SLC4A5: variants seen among roughly 807,000 people sequenced by gnomAD.
The protein encoded by SLC4A5 is solute carrier family 4 member 5, also known as electrogenic sodium bicarbonate cotransporter 4.
A neutral mutation model predicts 120.4 loss-of-function variants in SLC4A5; 96 were observed. The observed-to-expected ratio is 0.80, with a 90% CI of 0.68 to 0.94. The LOEUF (loss-of-function observed/expected upper bound fraction) is 0.94. Ranked by LOEUF, SLC4A5 falls within the 40% of genes least tolerant of loss-of-function variation. The pLI is 0.00. For synonymous variants in SLC4A5, 550 were observed against 571.1 expected (o/e 0.96, Z 0.53); for missense variants, 1,259 against 1,459.5 (o/e 0.86, Z 2.24).
intron 7 of SLC4A5, among the ~76,000 whole-genome samples, chr2:74,299,550 T>C (rs556497075): frequency 1.3e-5 from 2 of 152,234 alleles, no homozygotes; most frequent in Non-Finnish European, 2.9e-5. Flanking sequence ...GTCTCAGTTA[T>C]GTCTTTGTTA....
chr2:74,236,008 T>C (rs912121738), intron 21 of SLC4A5, among the ~76,000 whole-genome samples: 3 of 152,176 alleles, frequency 2.0e-5, no homozygotes, highest in African/African-American at 7.2e-5. Flanking sequence ...ATTCCCTGCA[T>C]CCCCCTTTTC....
Position 74,254,540 on chromosome 2 carries a change from A to G in SLC4A5, c.1113+79T>C, listed in dbSNP as rs377667404. 5.2e-4 allele frequency: 582 copies of G among 1,112,072 alleles called. 3 individuals carry two copies. The African/African-American group carries it at 7.7e-3, about 15-fold the overall frequency. 68.9% of individuals were successfully genotyped at this position (1,112,072 alleles called of 1,614,324 possible). A position where few individuals can be genotyped will look rare whatever the true frequency, so the allele number is the denominator to read the frequency against. ...GTAGGTGCTCAAATGTGCTGGCTGG[A>G]TAAGTTAATGAATGAAGGTGCAGTG... On this transcript the variant is annotated intron_variant, in intron 14 of 30. Transcript: ENST00000394019.
At chr2:74,288,981 T>C (rs569273601) in intron 7 of SLC4A5, among the ~76,000 whole-genome samples, 2 of 152,350 alleles carry the variant, frequency 1.3e-5, no homozygotes, top group South Asian at 2.1e-4. Flanking sequence ...ATTTGCTTCA[T>C]AAACATTTTT....
At chr2:74,329,376 G>C (rs1229130987) in intron 4 of SLC4A5, among the ~76,000 whole-genome samples, 1 of 152,160 alleles carries the variant, frequency 6.6e-6, no homozygotes, top group Admixed American at 6.5e-5. Flanking sequence ...GATCACCTGA[G>C]TTCAGGAGTT....
chr2:74,314,229 C>T (rs1007979599), intron 6 of SLC4A5, among the ~76,000 whole-genome samples: 2 of 152,146 alleles, frequency 1.3e-5, no homozygotes, highest in African/African-American at 4.8e-5. Context: ...TGGGGAGTGG[C>T]TTGCCCTCCC....
chr2:74,314,942 C>T lies in SLC4A5; in HGVS notation c.79+3G>A, dbSNP rs748466847. The T allele has an allele frequency of 5.6e-6, 9 of 1,613,506 alleles. No homozygotes were observed. Among genetic ancestry groups the T allele is most frequent in the Admixed American group, 5.0e-5 (3 of 59,988 alleles). On this transcript the variant is annotated splice_donor_region_variant and intron_variant, in intron 6 of 30. Transcript: ENST00000394019. ...TTGCATCAAGTCCTCAAAGTGACCT[C>T]ACCTTTCTGATCCGGAAATCTCCTC...
At chr2:74,230,232 T>TA (rs1695013944) in intron 25 of SLC4A5, among the ~76,000 whole-genome samples, 1 of 152,166 alleles carries the variant, frequency 6.6e-6, no homozygotes, top group African/African-American at 2.4e-5. Context: ...AGGAAAGTCT[T>TA]ACGTGGGCAC....
chr2:74,247,550 T>C (rs1670652533), intron 18 of SLC4A5, among the ~76,000 whole-genome samples: 1 of 152,008 alleles, frequency 6.6e-6, no homozygotes, highest in African/African-American at 2.4e-5. Context: ...AGTCTCTCTC[T>C]GTCACCCAGT....
intron 4 of SLC4A5, among the ~76,000 whole-genome samples, chr2:74,331,408 G>A (rs561756930): frequency 2.0e-5 from 3 of 151,946 alleles, no homozygotes; most frequent in East Asian, 1.9e-4. Context: ...GTAGATAGAG[G>A]TGGCAAGGTG....
At chr2:74,318,995 A>G (rs969969665) in intron 5 of SLC4A5, among the ~76,000 whole-genome samples, 2 of 152,160 alleles carry the variant, frequency 1.3e-5, no homozygotes, top group African/African-American at 2.4e-5. Flanking sequence ...TGTAATATAT[A>G]CATTACATTA....
intron 5 of SLC4A5, among the ~76,000 whole-genome samples, chr2:74,326,862 C>G (rs1405152921): frequency 6.6e-6 from 1 of 152,126 alleles, no homozygotes; most frequent in African/African-American, 2.4e-5. Context: ...TCCTAGCAAA[C>G]AGACACACAG....
intron 11 of SLC4A5, among the ~76,000 whole-genome samples, chr2:74,261,831 G>A (rs1171975027): frequency 6.6e-6 from 1 of 152,216 alleles, no homozygotes; most frequent in Non-Finnish European, 1.5e-5. Context: ...CAGGGTTAAT[G>A]TCAGTTTGAT....
At chr2:74,313,255 C>G (rs1255783035) in intron 6 of SLC4A5, among the ~76,000 whole-genome samples, 2 of 152,006 alleles carry the variant, frequency 1.3e-5, no homozygotes, top group Non-Finnish European at 2.9e-5. Flanking sequence ...TAAATTATAT[C>G]CCTTAAAAAA....
chr2:74,342,911 A>G (rs1460495500), intron 1 of SLC4A5, among the ~76,000 whole-genome samples: 2 of 152,172 alleles, frequency 1.3e-5, no homozygotes, highest in Non-Finnish European at 1.5e-5. Flanking sequence ...TTGAACTGGA[A>G]GAAGTGTGAA....
chr2:74,311,052 A>G (rs901502289), intron 6 of SLC4A5, among the ~76,000 whole-genome samples: 2 of 152,010 alleles, frequency 1.3e-5, no homozygotes, highest in Non-Finnish European at 2.9e-5. Flanking sequence ...GTGTCTTTCA[A>G]TAAATTAGTC....
intron 26 of SLC4A5, 27 bp from the exon 27 acceptor site, chr2:74,227,157 G>C (rs1185046287): frequency 1.3e-6 from 2 of 1,583,620 alleles, no homozygotes; most frequent in Non-Finnish European, 1.7e-6. Context: ...GGCTCAGCCA[G>C]GCAGCCAGAC....
chr2:74,274,130 G>T (rs1272962165), intron 8 of SLC4A5, among the ~76,000 whole-genome samples: 1 of 152,198 alleles, frequency 6.6e-6, no homozygotes, highest in East Asian at 1.9e-4. Flanking sequence ...CACGAGGTAG[G>T]TCTGTGACTA....
At chr2:74,253,174 T>C (rs1208565529) in intron 14 of SLC4A5, 46 bp from the exon 15 acceptor site, 1 of 1,610,346 alleles carries the variant, frequency 6.2e-7, no homozygotes, top group South Asian at 1.1e-5. Context: ...GGTCTGTTTC[T>C]GAAATGCCTG....
intron 19 of SLC4A5, among the ~76,000 whole-genome samples, chr2:74,242,361 C>T (rs910202819): frequency 1.6e-4 from 24 of 152,208 alleles, no homozygotes; most frequent in African/African-American, 5.5e-4. Context: ...TGGAGGATAA[C>T]GTGCCTTGTG....
Sources: allele counts gnomAD v4.1 joint callset (sites outside exome capture counted in the v4.1 genomes callset), GRCh38; gene constraint gnomAD v4.1.1; transcripts MANE v1.5; gene names NCBI Gene and HGNC (gene_info 2026-07-23, HGNC 2026-07-21).